Variants in CDKN3 observed in about 807,000 individuals in gnomAD.
CDKN3 encodes cyclin dependent kinase inhibitor 3, also known as cyclin-dependent kinase inhibitor 3.
In CDKN3, 19 loss-of-function variants were observed where a neutral mutation model predicts 36.1. The ratio of observed to expected loss-of-function variants is 0.53; its 90% CI spans 0.37 to 0.77. The LOEUF is 0.77. Among genes scored for constraint, CDKN3 ranks in the 30% least tolerant of loss-of-function variants. The pLI is 0.00. For synonymous variants in CDKN3, 71 were observed against 85.3 expected (o/e 0.83, Z 0.92); for missense variants, 188 against 248.6 (o/e 0.76, Z 1.64).
At chr14:54,414,384 G>C (rs1264791202) in intron 5 of CDKN3, among the ~76,000 whole-genome samples, 1 of 151,956 alleles carries the variant, frequency 6.6e-6, no homozygotes, top group Non-Finnish European at 1.5e-5. Context: ...ACAGGAAAAT[G>C]ATCCTTTCTG....
rs199588290 is a variant in CDKN3 at position 54,399,974 on chromosome 14, A to G, written c.90A>G (p.Ser30=). Residue 30 remains serine (S), a splice_region_variant and synonymous_variant, in exon 2 of 8, where the codon TCA becomes TCG. Transcript: ENST00000335183. ...IEDEQTPIHI[S]WLSLSRVNCS... ...ATGAACAGACTCCAATTCATATATC[A>G]TGGTATGTTAGCATTTCTGATCAAT... is the stretch of plus-strand genomic sequence containing the variant. 1.4e-6 allele frequency: 2 copies of G among 1,389,520 alleles called. No individual in the cohort carries two copies. Among genetic ancestry groups the G allele is most frequent in the Non-Finnish European group, 2.1e-6 (2 of 975,586 alleles). 86.1% of individuals were successfully genotyped at this position (1,389,520 alleles called of 1,614,324 possible).
chr14:54,413,487 C>T (rs1322970230), intron 5 of CDKN3: 1 of 720,744 alleles, frequency 1.4e-6, no homozygotes, highest in African/African-American at 1.8e-5. Context: ...CCCAAATGCT[C>T]TGATGTTTGT....
At chr14:54,413,606 A>G in intron 5 of CDKN3, 1 of 1,532,950 alleles carries the variant, frequency 6.5e-7, no homozygotes, top group Non-Finnish European at 8.7e-7. Context: ...ATTGTCCTAG[A>G]GCTTTCGAAG....
At chr14:54,400,232 C>CTA (rs2029893885) in intron 2 of CDKN3, among the ~76,000 whole-genome samples, 1 of 48,268 alleles carries the variant, frequency 2.1e-5, no homozygotes, top group African/African-American at 8.4e-5. Flanking sequence ...GATTCATTTA[C>CTA]TCTTTATAAG....
At chr14:54,406,701 G>T (rs2030171538) in intron 3 of CDKN3, among the ~76,000 whole-genome samples, 1 of 151,236 alleles carries the variant, frequency 6.6e-6, no homozygotes. Context: ...GGTCATTTAT[G>T]TTCTTCTCTA....
chr14:54,398,325 C>G (rs1235598586), intron 1 of CDKN3, among the ~76,000 whole-genome samples: 7 of 152,192 alleles, frequency 4.6e-5, no homozygotes, highest in Non-Finnish European at 1.0e-4. Context: ...CCACCTGTCC[C>G]CATTGAGTTA....
At chr14:54,402,691 T>C (rs559287833) in intron 3 of CDKN3, among the ~76,000 whole-genome samples, 3 of 152,316 alleles carry the variant, frequency 2.0e-5, no homozygotes, top group African/African-American at 7.2e-5. Flanking sequence ...AGGTCTTAGG[T>C]TTAAGTCTTT....
chr14:54,400,852 C>T (rs538904502), intron 2 of CDKN3, among the ~76,000 whole-genome samples: 1 of 152,286 alleles, frequency 6.6e-6, no homozygotes, highest in African/African-American at 2.4e-5. Context: ...GTACTGCAAA[C>T]TGGGAATATG....
At chr14:54,416,402 T>A (rs547353770) in intron 6 of CDKN3, among the ~76,000 whole-genome samples, 2 of 152,340 alleles carry the variant, frequency 1.3e-5, no homozygotes, top group African/African-American at 4.8e-5. Context: ...AAAGCTTTTG[T>A]GTTTCAAAGA....
chr14:54,416,025 C>G lies in CDKN3; in HGVS notation c.448+95C>G, dbSNP rs560021222. 185 of 932,876 alleles carry G rather than the reference C, an allele frequency of 2.0e-4. 3 individuals carry two copies. The South Asian group carries it at 2.4e-3, about 12-fold the overall frequency. The allele number at this position is 932,876 out of a possible 1,614,324, so 57.8% of individuals were successfully genotyped here. A position where few individuals can be genotyped will look rare whatever the true frequency, so the allele number is the denominator to read the frequency against. ...CATTTTGTATTAAAATGGAACCAAG[C>G]AAAATATAAGTTTGCTAAGACTCAA... On this transcript the variant is annotated intron_variant, in intron 6 of 7. Transcript: ENST00000335183.
intron 3 of CDKN3, among the ~76,000 whole-genome samples, chr14:54,407,135 C>T (rs1280763481): frequency 6.6e-6 from 1 of 152,186 alleles, no homozygotes; most frequent in Non-Finnish European, 1.5e-5. Flanking sequence ...TGCTCGAGGT[C>T]CACTCCAGAC....
intron 4 of CDKN3, among the ~76,000 whole-genome samples, chr14:54,409,962 T>C (rs1428418047): frequency 6.6e-6 from 1 of 152,052 alleles, no homozygotes; most frequent in African/African-American, 2.4e-5. Context: ...TTGACCCTTA[T>C]AGTATTTATA....
intron 5 of CDKN3, among the ~76,000 whole-genome samples, chr14:54,414,470 A>G (rs550084554): frequency 5.3e-5 from 8 of 152,292 alleles, no homozygotes; most frequent in Non-Finnish European, 2.9e-5. Context: ...AATAGAAGAA[A>G]AAAGATGAAA....
chr14:54,410,072 A>C (rs1594605038), intron 4 of CDKN3, among the ~76,000 whole-genome samples: 1 of 152,220 alleles, frequency 6.6e-6, no homozygotes, highest in East Asian at 1.9e-4. Context: ...TCATTGGTTC[A>C]AAGTCAGTCT....
intron 6 of CDKN3, among the ~76,000 whole-genome samples, chr14:54,416,861 T>C (rs374731229): frequency 7.4e-4 from 112 of 152,070 alleles, no homozygotes; most frequent in African/African-American, 2.5e-3. Context: ...AACTGAAAAA[T>C]GGGCAAAGTA....
intron 3 of CDKN3, among the ~76,000 whole-genome samples, chr14:54,408,119 G>A (rs1020441151): frequency 5.9e-5 from 9 of 152,056 alleles, no homozygotes; most frequent in Non-Finnish European, 1.0e-4. Context: ...TTTTCCTCTG[G>A]GTATATACCT....
intron 3 of CDKN3, among the ~76,000 whole-genome samples, chr14:54,402,053 C>A (rs986489865): frequency 1.3e-5 from 2 of 151,898 alleles, no homozygotes; most frequent in Non-Finnish European, 2.9e-5. Context: ...ACTAAAAATA[C>A]AAAAATTAGC....
At position 54,411,880 on chromosome 14, in the gene CDKN3, T is replaced by A. The variant is rs1466366272; in HGVS notation, c.416+174T>A. 4.6e-6 allele frequency: 3 copies of A among 652,012 alleles called. No homozygotes were observed. In the Admixed American group the frequency reaches 7.2e-5, roughly 16 times the overall value. The allele number at this position is 652,012 out of a possible 1,614,324, so 40.4% of individuals were successfully genotyped here. On this transcript the variant is annotated intron_variant, in intron 5 of 7. Coordinates refer to ENST00000335183, the MANE Select transcript of CDKN3 (RefSeq NM_005192.4). The stretch of plus-strand genomic sequence containing the variant: ...GTCTGGTACAGGGTAAGTAGTCAAA[T>A]ACGTGCTGTTATTACTTTTCAAGAG...
chr14:54,413,555 A>G (rs954211008), intron 5 of CDKN3: 1 of 1,271,110 alleles, frequency 7.9e-7, no homozygotes, highest in African/African-American at 1.5e-5. Context: ...TGAATGTTTC[A>G]GTCTCCCATA....
Sources: allele counts gnomAD v4.1 joint callset (sites outside exome capture counted in the v4.1 genomes callset), GRCh38; gene constraint gnomAD v4.1.1; transcripts MANE v1.5; gene names NCBI Gene and HGNC (gene_info 2026-07-23, HGNC 2026-07-21).